SRSF11: variants seen among roughly 807,000 people sequenced by gnomAD.
The protein encoded by SRSF11 is serine and arginine rich splicing factor 11.
A neutral mutation model predicts 56.0 loss-of-function variants in SRSF11; 9 were observed. That is an observed-to-expected ratio of 0.16 (90% CI 0.10 to 0.28). SRSF11 has a LOEUF of 0.28. SRSF11 is among the 10% of genes least tolerant of loss of function. The probability of loss-of-function intolerance (pLI) is 1.00; values close to 1 mark genes in which losing one functional copy is unlikely to be tolerated. For synonymous variants in SRSF11, 222 were observed against 215.3 expected (o/e 1.03, Z -0.27); for missense variants, 421 against 600.7 (o/e 0.70, Z 3.13).
At chr1:70,229,549 T>C in intron 2 of SRSF11, 1 of 985,092 alleles carries the variant, frequency 1.0e-6, no homozygotes, top group Non-Finnish European at 1.2e-6. Flanking sequence ...TAAATTTTAC[T>C]CGAATCACTG....
chr1:70,248,794 A>G (rs1200711772), intron 9 of SRSF11: 2 of 152,134 alleles, frequency 1.3e-5, no homozygotes, highest in African/African-American at 4.8e-5. Context: ...TAGTTGTGCT[A>G]CAGTCTGTTG....
chr1:70,239,667 A>G (rs541656308), intron 7 of SRSF11, 147 bp downstream of exon 7: 9 of 527,410 alleles, frequency 1.7e-5, no homozygotes, highest in Non-Finnish European at 2.0e-5. Flanking sequence ...CTGTTCACAC[A>G]TGTAAAAAGT....
chr1:70,208,417 C>T (rs1463452527), intron 1 of SRSF11, among the ~76,000 whole-genome samples: 1 of 152,156 alleles, frequency 6.6e-6, no homozygotes, highest in Admixed American at 6.5e-5. Flanking sequence ...ACTGCAACCT[C>T]CACCTCCCAG....
intron 1 of SRSF11, among the ~76,000 whole-genome samples, chr1:70,225,860 T>G (rs1260660363): frequency 6.6e-6 from 1 of 152,186 alleles, no homozygotes; most frequent in Non-Finnish European, 1.5e-5. Flanking sequence ...AAGCAGTACT[T>G]CCACAGAATT....
intron 7 of SRSF11, 45 bp from the exon 8 acceptor site, chr1:70,244,639 T>C: frequency 6.3e-7 from 1 of 1,578,700 alleles, no homozygotes; most frequent in South Asian, 1.1e-5. Context: ...ATTTATAGTC[T>C]TTTTACATTT....
At chr1:70,237,327 A>C in intron 5 of SRSF11, 98 bp from the exon 6 acceptor site, 1 of 1,476,678 alleles carries the variant, frequency 6.8e-7, no homozygotes, top group Non-Finnish European at 9.1e-7. Context: ...TTTTGAAGGA[A>C]TATTTTGCTA....
chr1:70,229,769 GT>G (rs1258618063), intron 2 of SRSF11: 2 of 984,044 alleles, frequency 2.0e-6, no homozygotes, highest in Non-Finnish European at 2.4e-6. Flanking sequence ...TAACAGAGAA[GT>G]TGCCTCTGGT....
Position 70,234,779 on chromosome 1 carries a change from G to A in SRSF11, c.531G>A (p.Leu177=). 6.2e-7 allele frequency: 1 copy of A among 1,608,824 alleles called. No homozygotes were observed. Among genetic ancestry groups the A allele is most frequent in the Non-Finnish European group, 8.5e-7 (1 of 1,177,264 alleles). Residue 177 remains leucine (L), a synonymous_variant, in exon 4 of 12, where the codon TTG becomes TTA. Coordinates refer to ENST00000370949, the MANE Select transcript of SRSF11 (RefSeq NM_001350605.2). The stretch of plus-strand genomic sequence containing the variant: ...CACTTGGGCTTCCTGGAGCAAACTT[G>A]AACTCTCAGGTATACCTTAGTAACT... ...LAALGLPGAN[L]NSQSLAADQL... is the part of the protein sequence containing the mutation.
At chr1:70,239,697 A>G (rs370147234) in intron 7 of SRSF11, among the ~76,000 whole-genome samples, 177 bp downstream of exon 7, 152 of 152,332 alleles carry the variant, frequency 1.0e-3, no homozygotes, top group African/African-American at 3.4e-3. Context: ...GACAGACGAA[A>G]TAGATGATTT....
At chr1:70,228,882 G>A in intron 2 of SRSF11, 1 of 984,468 alleles carries the variant, frequency 1.0e-6, no homozygotes, top group Non-Finnish European at 1.2e-6. Context: ...GAAGGTAAAT[G>A]ATTCACTCCA....
At chr1:70,218,232 T>C (rs1214642887), upstream of SRSF11, among the ~76,000 whole-genome samples, 2 of 152,228 alleles carry the variant, frequency 1.3e-5, no homozygotes, top group African/African-American at 4.8e-5. Context: ...CCTCCCAAAG[T>C]GCTGGGATTA....
chr1:70,219,487 G>A (rs992042602), upstream of SRSF11, among the ~76,000 whole-genome samples: 8 of 152,156 alleles, frequency 5.3e-5, no homozygotes, highest in African/African-American at 1.2e-4. Flanking sequence ...TACATGTTTA[G>A]ACCATCAATT....
chr1:70,227,166 A>G (rs1671969303), intron 1 of SRSF11, among the ~76,000 whole-genome samples: 1 of 152,196 alleles, frequency 6.6e-6, no homozygotes, highest in African/African-American at 2.4e-5. Context: ...TTAGGCCTAA[A>G]TTAAAAGAAA....
At position 70,221,693 on chromosome 1, in the gene SRSF11, CGGTGGCGGAGGT is replaced by C. The variant is rs746259483; in HGVS notation, c.63_74del (p.Gly28_Gly31del). Reference sequence around the variant, plus strand: ...CAGGTCCGGGCCCCAGCGGCGGGCCCGGTGGCGGAGGTGGTGGTGGCGGCGGAGGCGGCGGCA... The same window carrying C: ...CAGGTCCGGGCCCCAGCGGCGGGCCCGGTGGTGGCGGCGGAGGCGGCGGCA... On this transcript the variant is annotated inframe_deletion, in exon 1 of 12. Transcript: ENST00000370949. 1.2e-6 allele frequency: 2 copies of C among 1,612,354 alleles called. No homozygotes were observed. The highest frequency in any genetic ancestry group is 1.1e-5 in the South Asian group (1 of 91,010).
intron 1 of SRSF11, among the ~76,000 whole-genome samples, chr1:70,208,038 TG>T (rs1236319422): frequency 1.6e-4 from 24 of 152,242 alleles, no homozygotes; most frequent in Admixed American, 5.9e-4. Flanking sequence ...TCCAAAGCAC[TG>T]GGATTATAGG....
intron 4 of SRSF11, among the ~76,000 whole-genome samples, chr1:70,235,289 A>G (rs1342075863): frequency 3.3e-5 from 5 of 152,124 alleles, no homozygotes; most frequent in Non-Finnish European, 7.4e-5. Flanking sequence ...AAGCTGCTCT[A>G]TCCAATACTG....
chr1:70,238,754 C>T (rs74088028), intron 6 of SRSF11, among the ~76,000 whole-genome samples: 28 of 152,224 alleles, frequency 1.8e-4, no homozygotes, highest in Middle Eastern at 3.4e-3. Flanking sequence ...AAAGGGGACC[C>T]CTCATTTAGA....
chr1:70,231,016 G>C, intron 2 of SRSF11: 8 of 1,283,850 alleles, frequency 6.2e-6, no homozygotes, highest in Non-Finnish European at 7.1e-6. Context: ...TTATATTATC[G>C]GCACTTCTCA....
upstream of SRSF11, among the ~76,000 whole-genome samples, chr1:70,218,098 G>A (rs1670185454): frequency 6.6e-6 from 1 of 152,068 alleles, no homozygotes; most frequent in African/African-American, 2.4e-5. Context: ...CCGAGTAGCT[G>A]GCACTACAGG....
Sources: allele counts gnomAD v4.1 joint callset (sites outside exome capture counted in the v4.1 genomes callset), GRCh38; gene constraint gnomAD v4.1.1; transcripts MANE v1.5; gene names NCBI Gene and HGNC (gene_info 2026-07-23, HGNC 2026-07-21).